The following CDH2 variants were observed in gnomAD, a reference collection of about 807,000 sequenced individuals.
CDH2 encodes cadherin-2.
Under a neutral mutation model 92.0 loss-of-function variants are expected in CDH2, and 17 were observed. The observed-to-expected ratio is 0.18, with a 90% CI of 0.13 to 0.28. CDH2 has a LOEUF of 0.28. Ranked by LOEUF, CDH2 falls within the 10% of genes least tolerant of loss-of-function variation. The probability of loss-of-function intolerance (pLI) is 1.00; values close to 1 mark genes in which losing one functional copy is unlikely to be tolerated. For synonymous variants in CDH2, 419 were observed against 415.9 expected, an observed-to-expected ratio of 1.01 and a Z score of -0.09; for missense variants, 862 against 1,133.1, an observed-to-expected ratio of 0.76 and a Z score of 3.44.
intron 1 of CDH2, among the ~76,000 whole-genome samples, chr18:28,160,451 A>G (rs1320501034): frequency 6.6e-6 from 1 of 152,176 alleles, no homozygotes; most frequent in African/African-American, 2.4e-5. Flanking sequence ...TTATTTTTTA[A>G]TAACACTGAG....
intron 2 of CDH2, among the ~76,000 whole-genome samples, chr18:28,090,912 G>T (rs1321996004): frequency 2.6e-5 from 4 of 152,108 alleles, no homozygotes; most frequent in Non-Finnish European, 5.9e-5. Context: ...AGATAATAGA[G>T]ATTAAGCCTT....
chr18:28,135,335 T>C (rs371750056), intron 2 of CDH2, among the ~76,000 whole-genome samples: 18 of 152,216 alleles, frequency 1.2e-4, no homozygotes, highest in African/African-American at 4.3e-4. Context: ...AAATGAAGAA[T>C]GGATCTTTTC....
intron 2 of CDH2, among the ~76,000 whole-genome samples, chr18:28,076,954 C>T (rs188204822): frequency 2.0e-3 from 308 of 152,200 alleles, no homozygotes; most frequent in Middle Eastern, 6.8e-3. Flanking sequence ...TATATAGTAG[C>T]TGTCACTTGC....
At chr18:28,051,766 C>T (rs2014196115) in intron 2 of CDH2, among the ~76,000 whole-genome samples, 1 of 151,938 alleles carries the variant, frequency 6.6e-6, no homozygotes, top group Admixed American at 6.6e-5. Flanking sequence ...GAATCAAACT[C>T]CTGAATGTGC....
intron 13 of CDH2, 152 bp downstream of exon 13, chr18:27,984,848 T>C: frequency 1.6e-6 from 1 of 616,644 alleles, no homozygotes; most frequent in Non-Finnish European, 2.9e-6. Flanking sequence ...CATTCTAAAG[T>C]GGACTTGGTC....
chr18:28,049,297 C>A (rs923236909), intron 2 of CDH2, among the ~76,000 whole-genome samples: 2 of 152,170 alleles, frequency 1.3e-5, no homozygotes, highest in South Asian at 2.1e-4. Flanking sequence ...GTGCTATGGG[C>A]ATGTACTATG....
intron 1 of CDH2, among the ~76,000 whole-genome samples, chr18:28,164,366 A>G (rs2016348497): frequency 6.6e-6 from 1 of 152,214 alleles, no homozygotes; most frequent in South Asian, 2.1e-4. Context: ...TAATACATGT[A>G]AAGTGCTTTG....
At chr18:27,947,059 CTACTAATGG>C (rs1567930693), downstream of CDH2, among the ~76,000 whole-genome samples, 2 of 151,346 alleles carry the variant, frequency 1.3e-5, no homozygotes, top group African/African-American at 4.9e-5. Flanking sequence ...ATGATCACTG[CTACTAATGG>C]TACAGAAAAA....
chr18:27,998,816 C>T (rs953508472), intron 7 of CDH2, among the ~76,000 whole-genome samples: 22 of 152,172 alleles, frequency 1.4e-4, no homozygotes, highest in African/African-American at 4.3e-4. Context: ...GACAGGGTTT[C>T]GCCATGTGGC....
intron 1 of CDH2, among the ~76,000 whole-genome samples, chr18:28,157,724 G>A (rs918084360): frequency 9.9e-5 from 15 of 151,788 alleles, no homozygotes; most frequent in East Asian, 3.9e-4. Flanking sequence ...TATGATTCTC[G>A]CATACGATAT....
chr18:28,145,688 A>T (rs1478930664), intron 2 of CDH2, among the ~76,000 whole-genome samples: 1 of 152,084 alleles, frequency 6.6e-6, no homozygotes, highest in African/African-American at 2.4e-5. Context: ...AGCCTGTGTA[A>T]ATTTTCTTCC....
At chr18:28,148,178 T>C (rs2016067297) in intron 1 of CDH2, among the ~76,000 whole-genome samples, 1 of 152,190 alleles carries the variant, frequency 6.6e-6, no homozygotes, top group Non-Finnish European at 1.5e-5. Context: ...TACATTCAAG[T>C]ACACAGATTT....
chr18:28,010,188 G>A (rs535940170), intron 4 of CDH2, among the ~76,000 whole-genome samples: 1 of 152,276 alleles, frequency 6.6e-6, no homozygotes, highest in Non-Finnish European at 1.5e-5. Context: ...GAGTTTCTAG[G>A]TTAGACGATT....
downstream of CDH2, among the ~76,000 whole-genome samples, chr18:27,946,376 T>A (rs1253202456): frequency 6.6e-6 from 1 of 151,982 alleles, no homozygotes; most frequent in Non-Finnish European, 1.5e-5. Flanking sequence ...TAACCTAAGG[T>A]ATGATACAGA....
intron 2 of CDH2, among the ~76,000 whole-genome samples, chr18:28,024,543 TAAAC>T (rs1255970811): frequency 6.6e-6 from 1 of 150,954 alleles, no homozygotes; most frequent in Admixed American, 6.6e-5. Flanking sequence ...GCTTCAAAAT[TAAAC>T]ATACAGCAAT....
At chr18:28,024,788 AAATT>A (rs1420775620) in intron 2 of CDH2, among the ~76,000 whole-genome samples, 1 of 151,968 alleles carries the variant, frequency 6.6e-6, no homozygotes, top group Non-Finnish European at 1.5e-5. Flanking sequence ...AAAACACACA[AAATT>A]AATTATTGAT....
chr18:28,022,645 T>C (rs1460157849), intron 2 of CDH2, among the ~76,000 whole-genome samples: 2 of 152,126 alleles, frequency 1.3e-5, no homozygotes, highest in Non-Finnish European at 2.9e-5. Flanking sequence ...TTCCTTTACT[T>C]ACAAAGACAA....
intron 2 of CDH2, among the ~76,000 whole-genome samples, chr18:28,029,058 C>G (rs1412381823): frequency 6.6e-6 from 1 of 151,998 alleles, no homozygotes; most frequent in East Asian, 1.9e-4. Context: ...TTATGATTAT[C>G]TCAGTTCACT....
intron 9 of CDH2, among the ~76,000 whole-genome samples, 194 bp from the exon 10 acceptor site, chr18:27,990,544 T>C (rs781483958): frequency 6.6e-6 from 1 of 152,214 alleles, no homozygotes; most frequent in Non-Finnish European, 1.5e-5. Flanking sequence ...TTAACCTAAT[T>C]ATAAATCTTG....
Sources: allele counts gnomAD v4.1 joint callset (sites outside exome capture counted in the v4.1 genomes callset), GRCh38; gene constraint gnomAD v4.1.1; transcripts MANE v1.5; gene names NCBI Gene and HGNC (gene_info 2026-07-23, HGNC 2026-07-21).